Variants in TEX10 observed in about 807,000 individuals in gnomAD.
The protein encoded by TEX10 is testis expressed 10.
Under a neutral mutation model 104.4 loss-of-function variants are expected in TEX10, and 24 were observed. The ratio of observed to expected loss-of-function variants is 0.23; its 90% CI spans 0.17 to 0.32. The LOEUF (loss-of-function observed/expected upper bound fraction) is 0.32, where lower values mean the gene tolerates loss of function less well. Among genes scored for constraint, TEX10 ranks in the 10% least tolerant of loss-of-function variants. TEX10 has a pLI of 1.00. For missense variants in TEX10, 921 were observed against 1,083.9 expected, an observed-to-expected ratio of 0.85 and a Z score of 2.11; for synonymous variants, 396 against 393.4, an observed-to-expected ratio of 1.01 and a Z score of -0.08.
chr9:100,342,488 T>C (rs1835198379), intron 4 of TEX10, among the ~76,000 whole-genome samples: 1 of 152,234 alleles, frequency 6.6e-6, no homozygotes, highest in South Asian at 2.1e-4. Context: ...CTGTCCAATA[T>C]AGTAACCACT....
chr9:100,352,461 GC>G (rs1564225395), intron 1 of TEX10: 2 of 1,551,712 alleles, frequency 1.3e-6, no homozygotes, highest in South Asian at 2.4e-5. Flanking sequence ...TCCAAGGGAC[GC>G]CGGCCAGGAC....
At chr9:100,332,019 G>A (rs953636516) in intron 5 of TEX10, among the ~76,000 whole-genome samples, 2 of 152,190 alleles carry the variant, frequency 1.3e-5, no homozygotes, top group Admixed American at 6.5e-5. Context: ...GGGGCAGAGA[G>A]ATCTAGAAAT....
At chr9:100,318,895 AAAAAG>A in intron 11 of TEX10, among the ~76,000 whole-genome samples, 1 of 152,224 alleles carries the variant, frequency 6.6e-6, no homozygotes, top group South Asian at 2.1e-4. Context: ...AAGATCTCTT[AAAAAG>A]AAGACACCAG....
At chr9:100,320,506 C>G (rs1834540075) in intron 10 of TEX10, 108 bp from the exon 11 acceptor site, 2 of 1,259,620 alleles carry the variant, frequency 1.6e-6, no homozygotes, top group Admixed American at 3.0e-5. Flanking sequence ...ATTCTTTAAG[C>G]TACCTTGTTT....
intron 11 of TEX10, among the ~76,000 whole-genome samples, chr9:100,313,703 G>A (rs1264733549): frequency 1.3e-5 from 2 of 151,728 alleles, no homozygotes; most frequent in African/African-American, 4.8e-5. Context: ...ACAAAAGCAG[G>A]TGTGGTGGTG....
intron 4 of TEX10, among the ~76,000 whole-genome samples, chr9:100,344,852 T>G (rs183816985): frequency 7.9e-5 from 12 of 152,132 alleles, no homozygotes; most frequent in Middle Eastern, 3.4e-3. Flanking sequence ...GTCTCAAAAA[T>G]AAAAAGAAAA....
At chr9:100,348,178 T>C (rs1302723549) in intron 2 of TEX10, among the ~76,000 whole-genome samples, 1 of 152,244 alleles carries the variant, frequency 6.6e-6, no homozygotes, top group Non-Finnish European at 1.5e-5. Context: ...CAAAAGGCCA[T>C]GTATTATATG....
chr9:100,344,000 A>G (rs1470000271), intron 4 of TEX10, among the ~76,000 whole-genome samples: 1 of 152,214 alleles, frequency 6.6e-6, no homozygotes, highest in East Asian at 1.9e-4. Flanking sequence ...ACAATCTATC[A>G]TTTTGTATAG....
At chr9:100,344,443 C>CT (rs1218429315) in intron 4 of TEX10, among the ~76,000 whole-genome samples, 1 of 152,184 alleles carries the variant, frequency 6.6e-6, no homozygotes, top group Non-Finnish European at 1.5e-5. Flanking sequence ...TCCTACTAGT[C>CT]TATCTAAATA....
intron 1 of TEX10, among the ~76,000 whole-genome samples, chr9:100,350,741 G>A (rs1050848468): frequency 1.3e-5 from 2 of 152,180 alleles, no homozygotes; most frequent in African/African-American, 4.8e-5. Flanking sequence ...AAAATGGCCA[G>A]TGCAATACTG....
At chr9:100,316,401 G>A (rs770121892) in intron 11 of TEX10, among the ~76,000 whole-genome samples, 1 of 152,054 alleles carries the variant, frequency 6.6e-6, no homozygotes, top group Non-Finnish European at 1.5e-5. Flanking sequence ...ATCCATATAT[G>A]ACAAACCCAC....
chr9:100,320,422 C>A (rs758787854), intron 10 of TEX10, 24 bp from the exon 11 acceptor site: 2 of 1,559,226 alleles, frequency 1.3e-6, no homozygotes, highest in South Asian at 1.2e-5. Context: ...CAAAGAAAGC[C>A]AATTTAAAAA....
chr9:100,329,023 T>A, intron 7 of TEX10, 117 bp downstream of exon 7: 18 of 1,129,432 alleles, frequency 1.6e-5, no homozygotes, highest in Non-Finnish European at 2.1e-5. Context: ...TGCAAACAAG[T>A]AGGATTAAAA....
rs575668796 is a variant in TEX10, at chr9:100,319,198, A to G, written c.2202+1067T>C. Among the ~76,000 whole-genome samples, 5 of 152,250 alleles carry G rather than the reference A, an allele frequency of 3.3e-5. No homozygotes were observed. The South Asian group carries it at 1.0e-3, about 32-fold the overall frequency. Reference sequence around the variant, plus strand: ...CAAAAGCGAGACTCCATCTCAAAAAAACAAAAAACACCAAACCAAACCCCA... The same window carrying G: ...CAAAAGCGAGACTCCATCTCAAAAAGACAAAAAACACCAAACCAAACCCCA... On this transcript the variant is annotated intron_variant, in intron 11 of 14. Coordinates refer to ENST00000374902, the MANE Select transcript of TEX10 (RefSeq NM_017746.4).
intron 13 of TEX10, chr9:100,307,478 A>AT (rs1243944361): frequency 6.6e-6 from 1 of 152,240 alleles, no homozygotes; most frequent in Non-Finnish European, 1.5e-5. Flanking sequence ...AATACAGCTG[A>AT]ATGAGTCAAC....
chr9:100,313,991 A>T (rs1343296782), intron 11 of TEX10, among the ~76,000 whole-genome samples: 4 of 152,166 alleles, frequency 2.6e-5, no homozygotes, highest in Non-Finnish European at 5.9e-5. Flanking sequence ...TTTTGGAAAC[A>T]ATTTCAGGAG....
intron 4 of TEX10, among the ~76,000 whole-genome samples, chr9:100,342,718 A>C (rs1000543201): frequency 1.3e-5 from 2 of 152,224 alleles, no homozygotes; most frequent in Non-Finnish European, 2.9e-5. Context: ...AAAAAGTAGC[A>C]AGCAAGTCAA....
chr9:100,326,152 TACTC>T (rs1564210135), intron 9 of TEX10, 146 bp downstream of exon 9: 1 of 758,490 alleles, frequency 1.3e-6, no homozygotes, highest in Non-Finnish European at 2.0e-6. Context: ...CTTGTGAACT[TACTC>T]TACCTAGTGA....
chr9:100,306,416 TAGATTACTACCTGTA>T (rs574077028), intron 13 of TEX10: 6 of 152,286 alleles, frequency 3.9e-5, no homozygotes, highest in African/African-American at 1.4e-4. Flanking sequence ...AGTAAAAATA[TAGATTACTACCTGTA>T]AGATTACTAC....
Sources: allele counts gnomAD v4.1 joint callset (sites outside exome capture counted in the v4.1 genomes callset), GRCh38; gene constraint gnomAD v4.1.1; transcripts MANE v1.5; gene names NCBI Gene and HGNC (gene_info 2026-07-23, HGNC 2026-07-21).